BAG4: variants seen among roughly 807,000 people sequenced by gnomAD.
BAG4 encodes BAG family molecular chaperone regulator 4.
In BAG4, 28 loss-of-function variants were observed where a neutral mutation model predicts 52.1. That is an observed-to-expected ratio of 0.54 (90% CI 0.40 to 0.74). The LOEUF is 0.74. BAG4 is among the 30% of genes least tolerant of loss of function. The probability of loss-of-function intolerance (pLI) is 0.00; values close to 1 mark genes in which losing one functional copy is unlikely to be tolerated. For synonymous variants in BAG4, 208 were observed against 217.0 expected (o/e 0.96, Z 0.37); for missense variants, 525 against 572.0 (o/e 0.92, Z 0.84).
At chr8:38,195,501 G>A (rs1803548933) in intron 2 of BAG4, among the ~76,000 whole-genome samples, 1 of 152,130 alleles carries the variant, frequency 6.6e-6, no homozygotes, top group Non-Finnish European at 1.5e-5. Flanking sequence ...GTGTTGCCTA[G>A]GCTGGTTTCA....
chr8:38,202,592 G>T (rs1213236015), intron 2 of BAG4, among the ~76,000 whole-genome samples: 1 of 148,174 alleles, frequency 6.7e-6, no homozygotes, highest in African/African-American at 2.5e-5. Flanking sequence ...TCAGGCTGGA[G>T]TGCAATGGCA....
At chr8:38,199,673 G>A (rs996296044) in intron 2 of BAG4, among the ~76,000 whole-genome samples, 12 of 151,868 alleles carry the variant, frequency 7.9e-5, no homozygotes, top group Admixed American at 2.0e-4. Context: ...AAAGGTGCCC[G>A]CCACCACACC....
At chr8:38,192,607 T>C (rs1803494751) in intron 1 of BAG4, 81 bp from the exon 2 acceptor site, 2 of 1,147,790 alleles carry the variant, frequency 1.7e-6, no homozygotes, top group Non-Finnish European at 1.2e-6. Context: ...TTTTTAATCC[T>C]TATAACCTGC....
rs566256250 is a variant in BAG4, at chr8:38,182,197, G to A, written c.270+5058G>A. Among the ~76,000 whole-genome samples, 3 of 152,338 alleles carry A rather than the reference G, an allele frequency of 2.0e-5. No homozygotes were observed. The East Asian group carries it at 5.8e-4, about 29-fold the overall frequency. On this transcript the variant is annotated intron_variant, in intron 1 of 4. Coordinates refer to ENST00000287322, the MANE Select transcript of BAG4 (RefSeq NM_004874.4). Reference sequence around the variant, plus strand: ...AAAAGTTAAAAAATTATGATGGTCAGTATAGGAGCATAAGGTGATTTGTTA... The same window carrying A: ...AAAAGTTAAAAAATTATGATGGTCAATATAGGAGCATAAGGTGATTTGTTA...
chr8:38,194,126 C>T (rs538884899), intron 2 of BAG4, among the ~76,000 whole-genome samples: 2 of 152,232 alleles, frequency 1.3e-5, no homozygotes, highest in East Asian at 3.9e-4. Flanking sequence ...CCCACCTTGG[C>T]CTCCCAAAGT....
chr8:38,212,477 A>G lies in BAG4; in HGVS notation c.*1984A>G, dbSNP rs1453871207. ...CCTTATGTTAACATCTTACGTAACA[A>G]TAGAACATTTGTCAAAATTAAGAAA... On this transcript the variant is annotated 3_prime_UTR_variant, in exon 5 of 5. Transcript: ENST00000287322. 6.6e-6 allele frequency: 1 copy of G among 152,218 alleles called. No homozygotes were observed. Among genetic ancestry groups the G allele is most frequent in the Non-Finnish European group, 1.5e-5 (1 of 68,028 alleles). 9.4% of individuals were successfully genotyped at this position (152,218 alleles called of 1,614,324 possible).
chr8:38,208,991 A>G (rs753347667), intron 3 of BAG4, 22 bp from the exon 4 acceptor site: 4 of 1,599,936 alleles, frequency 2.5e-6, no homozygotes, highest in East Asian at 2.2e-5. Context: ...AATGACTGGT[A>G]TATTTCTTCT....
Position 38,192,797 on chromosome 8 carries a change from T to C in BAG4, c.378+2T>C. ...GTAAGACCAGAATTGCAAGGCCAGG[T>C]ATGGTTTAAAAACAGAGACTTTCTG... On this transcript the variant is annotated splice_donor_variant, in intron 2 of 4. Coordinates refer to ENST00000287322, the MANE Select transcript of BAG4 (RefSeq NM_004874.4). LOFTEE classifies it high-confidence loss of function. 1 of 1,581,622 alleles carries C rather than the reference T, an allele frequency of 6.3e-7. No individual in the cohort carries two copies. The highest frequency in any genetic ancestry group is 8.6e-7 in the Non-Finnish European group (1 of 1,164,596).
Position 38,212,122 on chromosome 8 carries a change from T to C in BAG4, c.*1629T>C, listed in dbSNP as rs1424335868. ...TGGTGATAATTTTATTCTAGGATTT[T>C]ATTTTTGGCCTAATATAGGAATGTT... On this transcript the variant is annotated 3_prime_UTR_variant, in exon 5 of 5. Transcript: ENST00000287322. 1.3e-5 allele frequency: 2 copies of C among 152,172 alleles called. No individual in the cohort carries two copies. Among genetic ancestry groups the C allele is most frequent in the African/African-American group, 2.4e-5 (1 of 41,448 alleles). 9.4% of individuals were successfully genotyped at this position (152,172 alleles called of 1,614,324 possible).
At chr8:38,191,853 G>A (rs1406903331) in intron 1 of BAG4, among the ~76,000 whole-genome samples, 1 of 151,512 alleles carries the variant, frequency 6.6e-6, no homozygotes, top group Non-Finnish European at 1.5e-5. Flanking sequence ...CCAGATAATA[G>A]GTGCTCTGAG....
intron 4 of BAG4, chr8:38,209,592 G>GT: frequency 2.6e-6 from 1 of 385,384 alleles, no homozygotes; most frequent in Non-Finnish European, 4.7e-6. Flanking sequence ...AAACCAATGT[G>GT]AAATATCTGT....
At chr8:38,208,305 TTC>T (rs1491487619) in intron 3 of BAG4, among the ~76,000 whole-genome samples, 1 of 138,506 alleles carries the variant, frequency 7.2e-6, no homozygotes, top group Non-Finnish European at 1.6e-5. Flanking sequence ...CCCTGTTAGG[TTC>T]TTTTTTTTTT....
Position 38,177,126 on chromosome 8 carries a change from G to A in BAG4, c.257G>A (p.Gly86Glu). The change falls in exon 1 of 5, where the codon GGA becomes GAA. Residue 86 changes from glycine (G) to glutamate (E), a missense_variant. Coordinates refer to ENST00000287322, the MANE Select transcript of BAG4 (RefSeq NM_004874.4). ...GGAWPEPGRA[G>E]GSHQEQPPYP... ...GCCTGGCCAGAGCCTGGTCGAGCCG[G>A]AGGAAGCCACCAGGTAAGCTTTGCA... 1 of 1,612,932 alleles carries A rather than the reference G, an allele frequency of 6.2e-7. No homozygotes were observed.
chr8:38,211,020 ACTT>A lies in BAG4; in HGVS notation c.*531_*533del, dbSNP rs1803859138. 6.5e-6 allele frequency: 1 copy of A among 152,716 alleles called. No individual in the cohort carries two copies. The highest frequency in any genetic ancestry group is 1.5e-5 in the Non-Finnish European group (1 of 68,262). The allele number at this position is 152,716 out of a possible 1,614,324, so 9.5% of individuals were successfully genotyped here. A position where few individuals can be genotyped will look rare whatever the true frequency, so the allele number is the denominator to read the frequency against. On this transcript the variant is annotated 3_prime_UTR_variant, in exon 5 of 5. Transcript: ENST00000287322. ...GTTTACAAATATAGTATTATTCTCT[ACTT>A]CTTGGTACATTTTGTAGTAATATGT...
At chr8:38,200,088 C>T (rs575731000) in intron 2 of BAG4, among the ~76,000 whole-genome samples, 4 of 151,684 alleles carry the variant, frequency 2.6e-5, no homozygotes, top group East Asian at 3.9e-4. Flanking sequence ...TCACTGAAAC[C>T]TCTGCTTCCC....
intron 2 of BAG4, among the ~76,000 whole-genome samples, chr8:38,204,973 T>TA (rs1421342519): frequency 6.6e-6 from 1 of 152,078 alleles, no homozygotes; most frequent in African/African-American, 2.4e-5. Flanking sequence ...AAAACAACCT[T>TA]AAAAATAATT....
intron 2 of BAG4, among the ~76,000 whole-genome samples, chr8:38,194,161 C>G (rs1408522553): frequency 6.6e-6 from 1 of 152,100 alleles, no homozygotes; most frequent in Non-Finnish European, 1.5e-5. Context: ...CATGAGCCAT[C>G]GTGCTCGGCC....
intron 1 of BAG4, among the ~76,000 whole-genome samples, chr8:38,183,048 T>TC (rs1384457203): frequency 1.4e-5 from 2 of 144,390 alleles, no homozygotes; most frequent in African/African-American, 5.2e-5. Flanking sequence ...TTTTTTTTTT[T>TC]TTTTTTTTTT....
intron 2 of BAG4, chr8:38,204,009 C>G (rs1314108719): frequency 6.6e-6 from 1 of 152,102 alleles, no homozygotes; most frequent in African/African-American, 2.4e-5. Context: ...AACTTTGCCA[C>G]GTTTCTGAAA....
Sources: gnomAD v4.1 joint callset for allele counts (sites outside exome capture counted in the v4.1 genomes callset) on GRCh38, gnomAD v4.1.1 for gene constraint, MANE v1.5 for transcripts, NCBI Gene and HGNC (gene_info 2026-07-23, HGNC 2026-07-21) for gene names.